Variants in COL6A5 observed in about 807,000 individuals in gnomAD.
COL6A5 encodes the protein collagen type VI alpha 5 chain, also known as collagen alpha-5(VI) chain.
A neutral mutation model predicts 65.6 loss-of-function variants in COL6A5; 48 were observed. The ratio of observed to expected loss-of-function variants is 0.73; its 90% confidence interval spans 0.58 to 0.93. The LOEUF is 0.93. Among genes scored for constraint, COL6A5 ranks in the 40% least tolerant of loss-of-function variants. The pLI is 0.00. For missense variants in COL6A5, 914 were observed against 928.3 expected (o/e 0.98, Z 0.20); for synonymous variants, 291 against 322.8 (o/e 0.90, Z 1.05).
chr3:130,387,382 C>G (rs1936228686), intron 5 of COL6A5, among the ~76,000 whole-genome samples: 1 of 152,008 alleles, frequency 6.6e-6, no homozygotes, highest in Non-Finnish European at 1.5e-5. Flanking sequence ...CAAATAGATA[C>G]CAGGAAGTAG....
In COL6A5 at chr3:130,376,842, G is replaced by A. The variant is rs1935798048; in HGVS notation, c.667+6G>A. 6.2e-7 allele frequency: 1 copy of A among 1,601,586 alleles called. No individual in the cohort carries two copies. Among genetic ancestry groups the A allele is most frequent in the Non-Finnish European group, 8.5e-7 (1 of 1,173,530 alleles). On this transcript the variant is annotated splice_donor_region_variant and intron_variant and NMD_transcript_variant, in intron 3 of 41. Coordinates refer to the COL6A5 transcript ENST00000312481. ...CGTCGATGCTGATATGCAAGGTAAG[G>A]AAACCCTTGGTTGAAGAGGTGCCTG...
upstream of COL6A5, chr3:130,429,542 TAACA>T: frequency 6.5e-7 from 1 of 1,540,290 alleles, no homozygotes; most frequent in Non-Finnish European, 8.8e-7. Context: ...TTCAAGAAGG[TAACA>T]AACTTTTCCC....
intron 1 of COL6A5, among the ~76,000 whole-genome samples, chr3:130,362,766 A>C (rs146349046): frequency 2.0e-5 from 3 of 152,164 alleles, no homozygotes; most frequent in Non-Finnish European, 4.4e-5. Context: ...TGAACATGGA[A>C]TATCTCTAAT....
chr3:130,478,180 T>C (rs1372036344), intron 7 of COL6A5, among the ~76,000 whole-genome samples: 1 of 152,124 alleles, frequency 6.6e-6, no homozygotes, highest in Non-Finnish European at 1.5e-5. Context: ...TATGAAGTGC[T>C]TCAAACAGCT....
In COL6A5 at chr3:130,403,569, G is replaced by A. The variant is rs747789022; in HGVS notation, c.4228-40G>A. On this transcript the variant is annotated intron_variant and NMD_transcript_variant, in intron 12 of 41. Coordinates refer to the COL6A5 transcript ENST00000312481. ...ATTTCACAAGTTTGACTTTATTGGG[G>A]GGGGGTGACTAAAATGTATTGTTCT... 2.0e-5 allele frequency: 31 copies of A among 1,515,316 alleles called. 1 individual carries two copies. In the Middle Eastern group the frequency reaches 1.2e-3, roughly 58 times the overall value. The allele number at this position is 1,515,316 out of a possible 1,614,324, so 93.9% of individuals were successfully genotyped here. A position where few individuals can be genotyped will look rare whatever the true frequency, so the allele number is the denominator to read the frequency against.
chr3:130,425,790 GC>G (rs1937591509), intron 29 of COL6A5, among the ~76,000 whole-genome samples: 1 of 152,090 alleles, frequency 6.6e-6, no homozygotes, highest in Non-Finnish European at 1.5e-5. Context: ...CACTCTTGAT[GC>G]GTAATATAAC....
intron 1 of COL6A5, among the ~76,000 whole-genome samples, chr3:130,372,567 A>G (rs2107633950): frequency 6.6e-6 from 1 of 152,346 alleles, no homozygotes; most frequent in South Asian, 2.1e-4. Context: ...GAAGCCAAAC[A>G]TAAAGGCCAC....
At chr3:130,410,873 A>G (rs1937153401) in intron 20 of COL6A5, among the ~76,000 whole-genome samples, 1 of 152,114 alleles carries the variant, frequency 6.6e-6, no homozygotes, top group Non-Finnish European at 1.5e-5. Context: ...CCTGGTTGAA[A>G]CGACTGTAAC....
chr3:130,376,664 CT>C lies in COL6A5; in HGVS notation c.496del (p.Ser166ProfsTer12), dbSNP rs1935789109. On this transcript the variant is annotated frameshift_variant and NMD_transcript_variant, in exon 3 of 42. Transcript: ENST00000312481. ...TGCAGAAAGACGGGGTGAAAATTAT[CT>C]CCGTGGGGGTGCAGAAAGCTTCTGA... is the stretch of plus-strand genomic sequence containing the variant. 7 of 1,613,306 alleles carry C rather than the reference CT, an allele frequency of 4.3e-6. No individual in the cohort carries two copies. In the African/African-American group the frequency reaches 8.0e-5, roughly 18 times the overall value.
chr3:130,376,140 C>T (rs1935758930), intron 2 of COL6A5, 97 bp from the exon 3 acceptor site: 3 of 1,251,166 alleles, frequency 2.4e-6, no homozygotes, highest in Non-Finnish European at 3.2e-6. Context: ...TTCTGATATA[C>T]ACTTAACACC....
chr3:130,449,084 A>C (rs1709368756), intron 4 of COL6A5, among the ~76,000 whole-genome samples: 2 of 152,194 alleles, frequency 1.3e-5, no homozygotes, highest in African/African-American at 4.8e-5. Flanking sequence ...CCACATTTCC[A>C]AGTTGTAAGT....
At chr3:130,476,728 G>C (rs1197782787) in intron 7 of COL6A5, among the ~76,000 whole-genome samples, 1 of 152,000 alleles carries the variant, frequency 6.6e-6, no homozygotes, top group South Asian at 2.1e-4. Flanking sequence ...AAAATAATAA[G>C]GTTGGTAGAA....
intron 4 of COL6A5, among the ~76,000 whole-genome samples, chr3:130,444,379 G>T (rs905918202): frequency 7.3e-5 from 11 of 151,558 alleles, no homozygotes; most frequent in South Asian, 2.1e-4. Context: ...GGGGAAGTGA[G>T]AAGTGTCCAT....
chr3:130,476,986 A>T, intron 7 of COL6A5: 1 of 972,036 alleles, frequency 1.0e-6, no homozygotes, highest in East Asian at 2.6e-5. Flanking sequence ...TCTTGCACTC[A>T]TGAAAGCTTA....
chr3:130,429,541 G>T, upstream of COL6A5: 1 of 1,539,214 alleles, frequency 6.5e-7, no homozygotes, highest in Non-Finnish European at 8.8e-7. Context: ...TTTCAAGAAG[G>T]TAACAAACTT....
chr3:130,440,211 A>G (rs374518232), exon 3 of COL6A5: 2 of 1,613,136 alleles, frequency 1.2e-6, no homozygotes, highest in Middle Eastern at 1.7e-4. Flanking sequence ...TTCTTACCTG[A>G]AGATTCATAC....
intron 7 of COL6A5, 132 bp from the exon 40 acceptor site, chr3:130,471,550 A>G (rs1709952810): frequency 1.2e-6 from 1 of 815,998 alleles, no homozygotes; most frequent in Non-Finnish European, 1.8e-6. Context: ...AATTTCATTC[A>G]TGGACTGAAC....
At chr3:130,383,545 G>A (rs570898460) in intron 4 of COL6A5, among the ~76,000 whole-genome samples, 11 of 152,062 alleles carry the variant, frequency 7.2e-5, no homozygotes, top group East Asian at 5.8e-4. Context: ...GCAGATAACC[G>A]CTTATCTTTG....
At chr3:130,379,633 C>T in exon 4 of COL6A5, 2 of 1,551,408 alleles carry the variant, frequency 1.3e-6, no homozygotes, top group Non-Finnish European at 1.7e-6. Flanking sequence ...AAGCACAACC[C>T]AATCTGAATT....
Sources: allele counts gnomAD v4.1 joint callset (sites outside exome capture counted in the v4.1 genomes callset), GRCh38; gene constraint gnomAD v4.1.1; transcripts MANE v1.5; gene names NCBI Gene and HGNC (gene_info 2026-07-23, HGNC 2026-07-21).